Variants in TRIP12 observed in about 807,000 individuals in gnomAD.
TRIP12 encodes thyroid hormone receptor interactor 12.
In TRIP12, 25 loss-of-function variants were observed where a neutral mutation model predicts 244.2. That is an observed-to-expected ratio of 0.10 (90% CI 0.07 to 0.14). The LOEUF (loss-of-function observed/expected upper bound fraction) is 0.14. Among genes scored for constraint, TRIP12 ranks in the 10% least tolerant of loss-of-function variants. The pLI, the probability that TRIP12 is intolerant of heterozygous loss-of-function variation, is 1.00. For synonymous variants in TRIP12, 905 were observed against 873.1 expected (o/e 1.04, Z -0.64); for missense variants, 1,677 against 2,486.4 (o/e 0.67, Z 6.92).
chr2:229,812,640 T>C (rs2047555771), intron 13 of TRIP12, among the ~76,000 whole-genome samples: 1 of 152,054 alleles, frequency 6.6e-6, no homozygotes, highest in Non-Finnish European at 1.5e-5. Context: ...ACCCTGTCTC[T>C]ACTAAAAACA....
chr2:229,882,882 TATTTGTC>T (rs1470255264), intron 1 of TRIP12, among the ~76,000 whole-genome samples: 4 of 152,226 alleles, frequency 2.6e-5, no homozygotes, highest in African/African-American at 9.6e-5. Flanking sequence ...GCCAACAGCC[TATTTGTC>T]GATAATTCTT....
At chr2:229,883,610 T>TA (rs1576608876) in intron 1 of TRIP12, among the ~76,000 whole-genome samples, 1 of 152,190 alleles carries the variant, frequency 6.6e-6, no homozygotes, top group East Asian at 1.9e-4. Context: ...TCTGTAAAAC[T>TA]AATCAAGATT....
In TRIP12 at chr2:229,829,186, T is replaced by C. The variant is rs1190570477; in HGVS notation, c.1450+7A>G. 6.2e-7 allele frequency: 1 copy of C among 1,613,270 alleles called. No individual in the cohort carries two copies. ...AGGGATTTCAGGGAAGGAACATTTT[T>C]ACTTACTAGCTCCACTTCCAATTGT... On this transcript the variant is annotated splice_region_variant and intron_variant, in intron 8 of 41. Coordinates refer to ENST00000675903, the MANE Select transcript of TRIP12 (RefSeq NM_001348323.3).
intron 2 of TRIP12, among the ~76,000 whole-genome samples, chr2:229,872,130 A>AAG (rs2062746847): frequency 1.3e-5 from 2 of 149,102 alleles, no homozygotes; most frequent in Non-Finnish European, 3.0e-5. Flanking sequence ...AAAAAAAAAA[A>AAG]AAGAAGCCTA....
At chr2:229,797,575 A>G in intron 24 of TRIP12, 115 bp downstream of exon 24, 1 of 1,312,086 alleles carries the variant, frequency 7.6e-7, no homozygotes, top group East Asian at 2.4e-5. Flanking sequence ...ATAAGGTAAA[A>G]GTCGATGTAG....
At chr2:229,772,697 C>T (rs371742723) in intron 38 of TRIP12, among the ~76,000 whole-genome samples, 3 of 151,894 alleles carry the variant, frequency 2.0e-5, no homozygotes, top group Non-Finnish European at 4.4e-5. Context: ...CTCCTGACCT[C>T]GTGATCCGCC....
intron 1 of TRIP12, among the ~76,000 whole-genome samples, chr2:229,912,938 A>G (rs1271373379): frequency 6.6e-6 from 1 of 152,036 alleles, no homozygotes; most frequent in Non-Finnish European, 1.5e-5. Flanking sequence ...GGCATGACGC[A>G]CTGCAGCCTC....
rs115761082 is a variant in TRIP12, at chr2:229,775,572, T to A, written c.5530-1311A>T. Among the ~76,000 whole-genome samples, 923 of 151,392 alleles carry A rather than the reference T, an allele frequency of 6.1e-3. 7 individuals carry two copies. The highest frequency in any genetic ancestry group is 0.021 in the African/African-American group (868 of 41,374). Reference sequence around the variant, plus strand: ...AGATGTGCATTACAAAGTGTTGTTATTAGATAGGAATCTAGAATTTACAAT... The same window carrying A: ...AGATGTGCATTACAAAGTGTTGTTAATAGATAGGAATCTAGAATTTACAAT... On this transcript the variant is annotated intron_variant, in intron 37 of 41. Transcript: ENST00000675903.
chr2:229,827,874 T>G (rs1019093272), intron 8 of TRIP12, among the ~76,000 whole-genome samples: 4 of 152,126 alleles, frequency 2.6e-5, no homozygotes, highest in African/African-American at 7.2e-5. Context: ...GTTACCGTAT[T>G]TTATGTGTGG....
chr2:229,833,151 TA>T (rs2053884614), intron 6 of TRIP12, among the ~76,000 whole-genome samples: 1 of 152,226 alleles, frequency 6.6e-6, no homozygotes, highest in African/African-American at 2.4e-5. Context: ...ACGACTTTCA[TA>T]ATGAATATCT....
At chr2:229,772,647 A>G (rs553469768) in intron 38 of TRIP12, among the ~76,000 whole-genome samples, 1 of 152,258 alleles carries the variant, frequency 6.6e-6, no homozygotes, top group East Asian at 1.9e-4. Flanking sequence ...TATTTTTAGT[A>G]GAGACGGGGT....
Position 229,791,174 on chromosome 2 carries a change from G to T in TRIP12, c.4493C>A (p.Pro1498Gln). Reference protein sequence around the residue: ...GGKRGRAQTAPTKTSPRNAKK... With the variant: ...GGKRGRAQTAQTKTSPRNAKK... ...TGCATTTCTAGGGGAAGTTTTCGTT[G>T]GAGCTGTTTGGGCTCTTCCTCTTTT... The change falls in exon 30 of 42, where the codon CCA (proline) becomes CAA (glutamine). Residue 1498 changes from proline (P) to glutamine (Q), a missense_variant. By Grantham distance (76) the Pro-to-Gln change is moderately conservative (BLOSUM62 -1). This residue lies in a region of TRIP12 where 265 missense variants were observed against 370.8 expected (regional missense o/e 0.71). Coordinates refer to ENST00000675903, the MANE Select transcript of TRIP12 (RefSeq NM_001348323.3). 6.2e-7 allele frequency: 1 copy of T among 1,614,056 alleles called. No homozygotes were observed. The highest frequency in any genetic ancestry group is 8.5e-7 in the Non-Finnish European group (1 of 1,179,990).
At chr2:229,817,604 A>G (rs1346693013) in intron 9 of TRIP12, among the ~76,000 whole-genome samples, 2 of 152,100 alleles carry the variant, frequency 1.3e-5, no homozygotes, top group South Asian at 2.1e-4. Flanking sequence ...CTGAGACAAG[A>G]GTTTTGCTCC....
intron 1 of TRIP12, among the ~76,000 whole-genome samples, chr2:229,903,866 CAAAAAAAAA>C (rs869205971): frequency 6.4e-5 from 4 of 62,566 alleles, no homozygotes; most frequent in African/African-American, 2.6e-4. Flanking sequence ...ACCAAAAATA[CAAAAAAAAA>C]AAAAAAAAAA....
intron 11 of TRIP12, among the ~76,000 whole-genome samples, chr2:229,814,666 G>C (rs1485314848): frequency 6.6e-6 from 1 of 152,106 alleles, no homozygotes; most frequent in East Asian, 1.9e-4. Context: ...AAGTTTATCA[G>C]ATAAAGCAAA....
rs926122423 is a variant in TRIP12 at position 229,815,402 on chromosome 2, G to C, written c.1600-94C>G. 5.5e-6 allele frequency: 4 copies of C among 729,220 alleles called. No homozygotes were observed. In the Admixed American group the frequency reaches 1.3e-4, roughly 24 times the overall value. 45.2% of individuals were successfully genotyped at this position (729,220 alleles called of 1,614,324 possible). A position where few individuals can be genotyped will look rare whatever the true frequency, so the allele number is the denominator to read the frequency against. On this transcript the variant is annotated intron_variant, in intron 9 of 41. Transcript: ENST00000675903. ...TTCTATTTGAACTTCAACTGAAATG[G>C]AAGTATTATTCCTAACTTTTACCAC... is the stretch of plus-strand genomic sequence containing the variant.
At position 229,778,368 on chromosome 2, in the gene TRIP12, G is replaced by T; in HGVS notation, c.5364+65C>A. Reference sequence around the variant, plus strand: ...TAAACTATAGCAGTAAACTACAGGGGACTGAGGTACTTGCACAGAACATTC... The same window carrying T: ...TAAACTATAGCAGTAAACTACAGGGTACTGAGGTACTTGCACAGAACATTC... On this transcript the variant is annotated intron_variant, in intron 36 of 41. Transcript: ENST00000675903. This position sits in a 1 kb window ranked among gnomAD's most constrained non-coding sequence, Gnocchi z 4.1. The T allele has an allele frequency of 1.3e-6, 2 of 1,581,058 alleles. No homozygotes were observed. The highest frequency in any genetic ancestry group is 2.3e-5 in the South Asian group (2 of 88,700).
chr2:229,898,540 T>A (rs544419488), intron 1 of TRIP12, among the ~76,000 whole-genome samples: 193 of 152,254 alleles, frequency 1.3e-3, no homozygotes, highest in Non-Finnish European at 2.4e-3. Flanking sequence ...TCAGGCCAAT[T>A]TACTTATACA....
chr2:229,869,056 T>C (rs1435662610), intron 2 of TRIP12, among the ~76,000 whole-genome samples: 2 of 152,200 alleles, frequency 1.3e-5, no homozygotes, highest in African/African-American at 4.8e-5. Context: ...TCTGAATATC[T>C]GAATGTGCAG....
Sources: allele counts gnomAD v4.1 joint callset (sites outside exome capture counted in the v4.1 genomes callset), GRCh38; gene constraint gnomAD v4.1.1; regional missense constraint gnomAD v4.1.1; non-coding constraint Gnocchi (gnomAD v3.1); transcripts MANE v1.5; gene names NCBI Gene and HGNC (gene_info 2026-07-23, HGNC 2026-07-21).